Variants in CRTAC1 observed in about 807,000 individuals in gnomAD.
CRTAC1 encodes acidic secreted protein in cartilage.
Under a neutral mutation model 67.8 loss-of-function variants are expected in CRTAC1, and 37 were observed. The ratio of observed to expected loss-of-function variants is 0.55; its 90% CI spans 0.42 to 0.72. The LOEUF (loss-of-function observed/expected upper bound fraction) is 0.72. Among genes scored for constraint, CRTAC1 ranks in the 30% least tolerant of loss-of-function variants. The pLI is 0.00. For synonymous variants in CRTAC1, 348 were observed against 371.0 expected (o/e 0.94, Z 0.71); for missense variants, 780 against 931.6 (o/e 0.84, Z 2.12).
At chr10:98,015,094 A>T (rs551929074) in intron 1 of CRTAC1, among the ~76,000 whole-genome samples, 1 of 152,390 alleles carries the variant, frequency 6.6e-6, no homozygotes, top group South Asian at 2.1e-4. Context: ...ATATATGCAT[A>T]CAGTGCAATA....
At chr10:97,888,053 A>G (rs1326029259) in intron 11 of CRTAC1, among the ~76,000 whole-genome samples, 1 of 152,224 alleles carries the variant, frequency 6.6e-6, no homozygotes, top group Non-Finnish European at 1.5e-5. Context: ...CCAGTTGCCC[A>G]GCAGAGGTCC....
chr10:97,925,791 C>T (rs2050906944), intron 3 of CRTAC1, among the ~76,000 whole-genome samples: 1 of 151,986 alleles, frequency 6.6e-6, no homozygotes, highest in Non-Finnish European at 1.5e-5. Context: ...CGAGAACAGT[C>T]AAGTGTGTGT....
chr10:97,989,944 C>T (rs1842412573), intron 2 of CRTAC1, among the ~76,000 whole-genome samples: 1 of 152,212 alleles, frequency 6.6e-6, no homozygotes, highest in African/African-American at 2.4e-5. Flanking sequence ...ATTCTTTCTC[C>T]ATGTCTTGTC....
At chr10:97,896,115 A>G (rs1417773903) in intron 9 of CRTAC1, 130 bp from the exon 10 acceptor site, 11 of 743,068 alleles carry the variant, frequency 1.5e-5, no homozygotes, top group Non-Finnish European at 1.8e-5. Context: ...CGGGGCAGGA[A>G]GGCTGGGGCT....
chr10:97,877,337 C>T (rs2050159458), intron 14 of CRTAC1, among the ~76,000 whole-genome samples: 1 of 152,214 alleles, frequency 6.6e-6, no homozygotes, highest in Non-Finnish European at 1.5e-5. Context: ...GTTACCTTCA[C>T]TTACCATTAC....
At chr10:98,011,660 T>C (rs1842911604) in intron 1 of CRTAC1, among the ~76,000 whole-genome samples, 1 of 152,214 alleles carries the variant, frequency 6.6e-6, no homozygotes, top group African/African-American at 2.4e-5. Context: ...CTCCCTCTGC[T>C]AGAGTGTAAG....
chr10:97,964,515 CA>C (rs2051583102), intron 2 of CRTAC1, among the ~76,000 whole-genome samples: 3 of 152,312 alleles, frequency 2.0e-5, no homozygotes, highest in Non-Finnish European at 2.9e-5. Flanking sequence ...AGAAAAGCCA[CA>C]GCAGAAACAG....
chr10:98,003,115 C>T (rs970485976), intron 2 of CRTAC1, among the ~76,000 whole-genome samples: 8 of 152,144 alleles, frequency 5.3e-5, no homozygotes, highest in South Asian at 2.1e-4. Context: ...CAGGGATTGA[C>T]GTTGATTACA....
chr10:97,877,880 C>T (rs922825130), intron 14 of CRTAC1, among the ~76,000 whole-genome samples: 1 of 152,248 alleles, frequency 6.6e-6, no homozygotes, highest in African/African-American at 2.4e-5. Context: ...ATGTCCTTGG[C>T]AGGCCATCTC....
chr10:97,966,505 G>A (rs1266276171), intron 2 of CRTAC1, among the ~76,000 whole-genome samples: 1 of 152,180 alleles, frequency 6.6e-6, no homozygotes, highest in African/African-American at 2.4e-5. Context: ...CACATGCCCT[G>A]CCCAGTTTCC....
At chr10:97,873,328 C>A (rs1291672718) in intron 14 of CRTAC1, among the ~76,000 whole-genome samples, 1 of 152,154 alleles carries the variant, frequency 6.6e-6, no homozygotes, top group Non-Finnish European at 1.5e-5. Flanking sequence ...ATGTGAGACA[C>A]CTTCTGCAGT....
chr10:97,898,447 TG>T (rs1369896532), intron 8 of CRTAC1, among the ~76,000 whole-genome samples: 1 of 152,014 alleles, frequency 6.6e-6, no homozygotes, highest in African/African-American at 2.4e-5. Context: ...GAGGGATAAT[TG>T]GGGGCTAGAG....
chr10:98,023,683 C>T (rs894789194), intron 1 of CRTAC1, among the ~76,000 whole-genome samples: 29 of 152,164 alleles, frequency 1.9e-4, no homozygotes, highest in African/African-American at 6.3e-4. Flanking sequence ...CTGCCGGTGA[C>T]GGAAAGAGCC....
At chr10:97,946,394 C>T (rs2051264237) in intron 2 of CRTAC1, among the ~76,000 whole-genome samples, 2 of 152,146 alleles carry the variant, frequency 1.3e-5, no homozygotes, top group Non-Finnish European at 2.9e-5. Flanking sequence ...TCCTCCTTCC[C>T]AAGACTTCAA....
At chr10:98,021,975 T>C (rs1258575750) in intron 1 of CRTAC1, among the ~76,000 whole-genome samples, 1 of 152,170 alleles carries the variant, frequency 6.6e-6, no homozygotes, top group Non-Finnish European at 1.5e-5. Flanking sequence ...TTAGAAATGA[T>C]GAAAAAGACG....
Position 97,901,486 on chromosome 10 carries a change from C to A in CRTAC1, c.1133+17G>T, listed in dbSNP as rs1240310408. The A allele has an allele frequency of 6.2e-7, 1 of 1,614,136 alleles. No individual in the cohort carries two copies. The highest frequency in any genetic ancestry group is 1.1e-5 in the South Asian group (1 of 91,068). On this transcript the variant is annotated intron_variant, in intron 8 of 14. Transcript: ENST00000370597. ...CTGTCAAGGATGAAGAGCCACGAGCCAGGATGGAGCATCTACCGGAAGAGG... is the reference window on the plus strand; with the variant it reads ...CTGTCAAGGATGAAGAGCCACGAGCAAGGATGGAGCATCTACCGGAAGAGG...
At position 97,901,412 on chromosome 10, in the gene CRTAC1, C is replaced by T. The variant is rs1046664990; in HGVS notation, c.1133+91G>A. On this transcript the variant is annotated intron_variant, in intron 8 of 14. Coordinates refer to ENST00000370597, the MANE Select transcript of CRTAC1 (RefSeq NM_018058.7). The stretch of plus-strand genomic sequence containing the variant: ...GGCCTGACCCCCTGGCCCTGGGAAC[C>T]CTCCCCTTCTGATTCTTAAACCTTC... The T allele has an allele frequency of 9.1e-6, 14 of 1,536,476 alleles. No individual in the cohort carries two copies. In the African/African-American group the frequency reaches 1.1e-4, roughly 12 times the overall value.
chr10:97,919,606 G>T (rs2050807136), intron 4 of CRTAC1, among the ~76,000 whole-genome samples: 1 of 151,878 alleles, frequency 6.6e-6, no homozygotes, highest in Admixed American at 6.6e-5. Context: ...ACTCAAAGTG[G>T]TCCCTACACC....
chr10:98,001,317 AG>A (rs1459192688), intron 2 of CRTAC1, among the ~76,000 whole-genome samples: 2 of 152,222 alleles, frequency 1.3e-5, no homozygotes, highest in African/African-American at 4.8e-5. Context: ...GGGCATAAAG[AG>A]AATATTATTC....
Sources: gnomAD v4.1 joint callset for allele counts (sites outside exome capture counted in the v4.1 genomes callset) on GRCh38, gnomAD v4.1.1 for gene constraint, MANE v1.5 for transcripts, NCBI Gene and HGNC (gene_info 2026-07-23, HGNC 2026-07-21) for gene names.